PGCKA1: variants seen among roughly 807,000 people sequenced by gnomAD.
PGCKA1 encodes PDCD10 and GCKIII kinases associated 1.
the PGCKA1 span, among the ~76,000 whole-genome samples, chr4:37,545,765 AC>A: frequency 6.6e-6 from 1 of 151,988 alleles, no homozygotes; most frequent in East Asian, 1.9e-4. Context: ...GATCTCTGAA[AC>A]TCTGTATATT....
At chr4:37,536,720 C>T in the PGCKA1 span, among the ~76,000 whole-genome samples, 3 of 152,338 alleles carry the variant, frequency 2.0e-5, no homozygotes, top group South Asian at 6.2e-4. Context: ...AACTACTCAA[C>T]TCTGCTGTGT....
chr4:37,490,437 G>C, the PGCKA1 span, among the ~76,000 whole-genome samples: 3 of 152,098 alleles, frequency 2.0e-5, no homozygotes, highest in Non-Finnish European at 4.4e-5. Flanking sequence ...GGAGTGACTT[G>C]GCCAATGCTA....
At chr4:37,504,818 G>A in the PGCKA1 span, among the ~76,000 whole-genome samples, 1 of 152,146 alleles carries the variant, frequency 6.6e-6, no homozygotes, top group African/African-American at 2.4e-5. Flanking sequence ...AATAGTTTTT[G>A]GTGGAGTCTT....
the PGCKA1 span, among the ~76,000 whole-genome samples, chr4:37,480,621 G>GT: frequency 6.6e-6 from 1 of 152,244 alleles, no homozygotes; most frequent in African/African-American, 2.4e-5. Context: ...AGCTTGGAAT[G>GT]TTTCTGTGTG....
At chr4:37,518,617 T>C in the PGCKA1 span, among the ~76,000 whole-genome samples, 1 of 152,214 alleles carries the variant, frequency 6.6e-6, no homozygotes, top group African/African-American at 2.4e-5. Context: ...TTGATCAGAT[T>C]ATTAGATTTT....
the PGCKA1 span, among the ~76,000 whole-genome samples, chr4:37,564,750 A>C: frequency 1.3e-5 from 2 of 151,988 alleles, no homozygotes; most frequent in Non-Finnish European, 2.9e-5. Context: ...CAGGTGATCC[A>C]CCTGCCTCGG....
chr4:37,543,678 C>T, the PGCKA1 span, among the ~76,000 whole-genome samples: 1 of 126,902 alleles, frequency 7.9e-6, no homozygotes, highest in Non-Finnish European at 1.7e-5. Flanking sequence ...AAAAAAAATA[C>T]AAAAAATTAG....
At chr4:37,480,099 G>A in the PGCKA1 span, among the ~76,000 whole-genome samples, 1 of 152,200 alleles carries the variant, frequency 6.6e-6, no homozygotes, top group Non-Finnish European at 1.5e-5. Context: ...GAAATTGGCA[G>A]TGCATTAGAA....
the PGCKA1 span, among the ~76,000 whole-genome samples, chr4:37,560,385 C>T: frequency 0.45 from 69,118 of 151,968 alleles, 16,544 homozygotes; most frequent in South Asian, 0.54. Flanking sequence ...AGCCCTGTTG[C>T]CTTATACCTC....
the PGCKA1 span, among the ~76,000 whole-genome samples, chr4:37,543,968 C>G: frequency 6.6e-6 from 1 of 152,204 alleles, no homozygotes; most frequent in Non-Finnish European, 1.5e-5. Flanking sequence ...TGCCTCTCTT[C>G]TGTGTTTAAT....
the PGCKA1 span, among the ~76,000 whole-genome samples, chr4:37,500,492 A>C: frequency 6.6e-6 from 1 of 152,186 alleles, no homozygotes; most frequent in African/African-American, 2.4e-5. Context: ...AGTAGTTGTT[A>C]TGATTTCAGT....
chr4:37,514,692 G>A, the PGCKA1 span, among the ~76,000 whole-genome samples: 2 of 152,132 alleles, frequency 1.3e-5, no homozygotes, highest in South Asian at 2.1e-4. Context: ...GCTTGAAAAC[G>A]AAACAAAAAT....
chr4:37,460,941 T>G, the PGCKA1 span: 6 of 377,322 alleles, frequency 1.6e-5, no homozygotes, highest in East Asian at 6.1e-4. Context: ...ATTGCCTAGA[T>G]TCTCTTCTGG....
the PGCKA1 span, among the ~76,000 whole-genome samples, chr4:37,489,779 A>C: frequency 6.6e-6 from 1 of 152,332 alleles, no homozygotes; most frequent in South Asian, 2.1e-4. Flanking sequence ...AGACTCCTTG[A>C]CTTGACACTA....
chr4:37,527,748 G>T, the PGCKA1 span, among the ~76,000 whole-genome samples: 1 of 151,712 alleles, frequency 6.6e-6, no homozygotes, highest in Non-Finnish European at 1.5e-5. Context: ...GAGAATGGCA[G>T]GAACCCAGGA....
chr4:37,461,625 G>C, the PGCKA1 span, among the ~76,000 whole-genome samples: 1 of 152,004 alleles, frequency 6.6e-6, no homozygotes, highest in Admixed American at 6.6e-5. Context: ...GCAAGTGGAG[G>C]GATTGCTGGA....
chr4:37,506,660 A>T, the PGCKA1 span, among the ~76,000 whole-genome samples: 1 of 147,146 alleles, frequency 6.8e-6, no homozygotes, highest in African/African-American at 2.5e-5. Flanking sequence ...TATTATTTCC[A>T]TTATTTAGAA....
chr4:37,560,683 C>T, the PGCKA1 span, among the ~76,000 whole-genome samples: 1 of 152,106 alleles, frequency 6.6e-6, no homozygotes, highest in Non-Finnish European at 1.5e-5. Flanking sequence ...CTTCCAGCTT[C>T]CCTCCCTGCA....
At chr4:37,585,012 T>TG in the PGCKA1 span, among the ~76,000 whole-genome samples, 11 of 149,432 alleles carry the variant, frequency 7.4e-5, no homozygotes, top group African/African-American at 2.7e-4. Flanking sequence ...ACTTGTTTTT[T>TG]TTTTTTTTTT....
Sources: gnomAD v4.1 joint callset for allele counts (sites outside exome capture counted in the v4.1 genomes callset) on GRCh38, gnomAD v4.1.1 for gene constraint, MANE v1.5 for transcripts, NCBI Gene and HGNC (gene_info 2026-07-23, HGNC 2026-07-21) for gene names.